MOXD1: variants seen among roughly 807,000 people sequenced by gnomAD.
The protein encoded by MOXD1 is DBH-like monooxygenase protein 1.
A neutral mutation model predicts 66.6 loss-of-function variants in MOXD1; 62 were observed. The observed-to-expected ratio is 0.93, with a 90% confidence interval of 0.76 to 1.15. The LOEUF is 1.15. Among genes scored for constraint, MOXD1 ranks in the 50% most tolerant of loss-of-function variants. The probability of loss-of-function intolerance (pLI) is 0.00; values close to 1 mark genes in which losing one functional copy is unlikely to be tolerated. For missense variants in MOXD1, 847 were observed against 754.6 expected (o/e 1.12, Z -1.44); for synonymous variants, 303 against 281.9 (o/e 1.07, Z -0.75).
intron 1 of MOXD1, among the ~76,000 whole-genome samples, chr6:132,386,383 C>T (rs1159537429): frequency 2.9e-5 from 4 of 139,656 alleles, no homozygotes; most frequent in Non-Finnish European, 6.0e-5. Flanking sequence ...GCCTGGGCGA[C>T]AGAGCGAGAC....
chr6:132,315,849 A>C lies in MOXD1; in HGVS notation c.1366-72T>G, dbSNP rs1774938357. 2.1e-6 allele frequency: 3 copies of C among 1,447,156 alleles called. No homozygotes were observed. The African/African-American group carries it at 4.3e-5, about 21-fold the overall frequency. 89.6% of individuals were successfully genotyped at this position (1,447,156 alleles called of 1,614,324 possible). ...TGACATTTAAAGCACACAAGTCATT[A>C]ATGTCATACAGTTCCTTCCAATATT... On this transcript the variant is annotated intron_variant, in intron 9 of 11. Coordinates refer to ENST00000367963, the MANE Select transcript of MOXD1 (RefSeq NM_015529.4).
At chr6:132,385,686 G>A (rs1475194962) in intron 1 of MOXD1, among the ~76,000 whole-genome samples, 1 of 151,852 alleles carries the variant, frequency 6.6e-6, no homozygotes, top group African/African-American at 2.4e-5. Context: ...GTTTCACCAT[G>A]TTGGCCAGGC....
intron 2 of MOXD1, among the ~76,000 whole-genome samples, chr6:132,374,377 A>G (rs1776330278): frequency 6.6e-6 from 1 of 152,172 alleles, no homozygotes; most frequent in Admixed American, 6.5e-5. Context: ...GCTAAATCAT[A>G]CAAATTTTAA....
At chr6:132,378,021 G>A (rs532954184) in intron 1 of MOXD1, among the ~76,000 whole-genome samples, 2 of 152,162 alleles carry the variant, frequency 1.3e-5, no homozygotes, top group South Asian at 4.1e-4. Context: ...CCAACTACAC[G>A]GGAGGCTGAG....
chr6:132,341,762 A>G (rs1396875790), intron 4 of MOXD1, among the ~76,000 whole-genome samples: 1 of 152,178 alleles, frequency 6.6e-6, no homozygotes, highest in African/African-American at 2.4e-5. Flanking sequence ...TTGCTTATTT[A>G]AATCCTATTC....
At chr6:132,363,082 T>G (rs1160719826) in intron 4 of MOXD1, among the ~76,000 whole-genome samples, 1 of 152,188 alleles carries the variant, frequency 6.6e-6, no homozygotes, top group Non-Finnish European at 1.5e-5. Context: ...TCTGGTGGGG[T>G]CTGCTCACAC....
intron 4 of MOXD1, among the ~76,000 whole-genome samples, chr6:132,341,680 C>T (rs1405736282): frequency 1.3e-5 from 2 of 152,212 alleles, no homozygotes; most frequent in African/African-American, 2.4e-5. Flanking sequence ...CCTTTATGCA[C>T]TATGTTCATT....
intron 4 of MOXD1, among the ~76,000 whole-genome samples, chr6:132,372,137 T>C (rs1219412088): frequency 6.6e-6 from 1 of 152,240 alleles, no homozygotes; most frequent in Non-Finnish European, 1.5e-5. Flanking sequence ...TCTTTATTTC[T>C]GTAGAAATTC....
intron 4 of MOXD1, among the ~76,000 whole-genome samples, chr6:132,353,599 TC>T (rs552324145): frequency 1.8e-3 from 270 of 152,324 alleles, no homozygotes; most frequent in Non-Finnish European, 3.1e-3. Context: ...TACACTTCTT[TC>T]CTTCATCTTA....
intron 1 of MOXD1, among the ~76,000 whole-genome samples, chr6:132,393,749 T>C (rs1267347611): frequency 6.6e-6 from 1 of 152,194 alleles, no homozygotes; most frequent in Non-Finnish European, 1.5e-5. Context: ...CAAGAGCCCC[T>C]GCACCTCCAT....
intron 4 of MOXD1, among the ~76,000 whole-genome samples, chr6:132,347,065 T>C (rs1775682913): frequency 1.3e-5 from 2 of 152,338 alleles, no homozygotes; most frequent in South Asian, 2.1e-4. Flanking sequence ...AGTGTTTATA[T>C]GTACCAAGGA....
rs777672685 is a variant in MOXD1, at chr6:132,315,713, A to C, written c.1430T>G (p.Leu477Arg). The C allele has an allele frequency of 6.2e-7, 1 of 1,613,504 alleles. No individual in the cohort carries two copies. The highest frequency in any genetic ancestry group is 8.5e-7 in the Non-Finnish European group (1 of 1,179,528). ...GTCTGGAATACTTGCACATCGAGTAAGATTAATTCTTGGGTAATAAAGAAG... is the reference window on the plus strand; with the variant it reads ...GTCTGGAATACTTGCACATCGAGTACGATTAATTCTTGGGTAATAAAGAAG... ...SYLLYYPRIN[L>R]TRCASIPDIM... Residue 477 changes from leucine (L) to arginine (R), a missense_variant, in exon 10 of 12, where the codon CTT (leucine) becomes CGT (arginine). Transcript: ENST00000367963.
Position 132,401,247 on chromosome 6 carries a change from C to T in MOXD1, c.180G>A (p.Val60=). Residue 60 remains valine, a synonymous_variant, in exon 1 of 12, where the codon GTG becomes GTA. Transcript: ENST00000367963. The part of the protein sequence containing the change: ...FRLQVRTAGY[V]GFGFSPTGAM... The stretch of plus-strand genomic sequence containing the variant: ...CCCCGGTGGGCGAGAAGCCGAAGCC[C>T]ACGTAGCCTGCAGTGCGCACCTGGA... 1 of 1,593,272 alleles carries T rather than the reference C, an allele frequency of 6.3e-7. No individual in the cohort carries two copies. The highest frequency in any genetic ancestry group is 2.3e-5 in the East Asian group (1 of 43,904).
chr6:132,380,809 T>C (rs1322102005), intron 1 of MOXD1, among the ~76,000 whole-genome samples: 2 of 152,198 alleles, frequency 1.3e-5, no homozygotes, highest in Non-Finnish European at 2.9e-5. Flanking sequence ...CGGATATGGA[T>C]TGTGTTTAAC....
intron 4 of MOXD1, among the ~76,000 whole-genome samples, chr6:132,330,373 T>C (rs1411124293): frequency 6.6e-6 from 1 of 152,208 alleles, no homozygotes; most frequent in African/African-American, 2.4e-5. Flanking sequence ...ACTGTGCATG[T>C]GAGAGATCTA....
chr6:132,354,642 A>T (rs1775875005), intron 4 of MOXD1, among the ~76,000 whole-genome samples: 1 of 152,182 alleles, frequency 6.6e-6, no homozygotes, highest in South Asian at 2.1e-4. Flanking sequence ...TCCTGCCAGG[A>T]GGTGGCACTT....
At chr6:132,353,382 T>A (rs1004825469) in intron 4 of MOXD1, among the ~76,000 whole-genome samples, 1 of 152,186 alleles carries the variant, frequency 6.6e-6, no homozygotes, top group Non-Finnish European at 1.5e-5. Context: ...TCAGCATTTG[T>A]TTGTCTAAAA....
intron 4 of MOXD1, among the ~76,000 whole-genome samples, chr6:132,368,665 A>G (rs1776195778): frequency 6.6e-6 from 1 of 152,040 alleles, no homozygotes; most frequent in African/African-American, 2.4e-5. Flanking sequence ...TAATTTTTAC[A>G]TGGTTAAAAT....
At chr6:132,329,628 T>C (rs576804876) in intron 4 of MOXD1, among the ~76,000 whole-genome samples, 1 of 152,090 alleles carries the variant, frequency 6.6e-6, no homozygotes, top group Non-Finnish European at 1.5e-5. Context: ...GGCTCAATCA[T>C]TTTTACTGGT....
Sources: gnomAD v4.1 joint callset for allele counts (sites outside exome capture counted in the v4.1 genomes callset) on GRCh38, gnomAD v4.1.1 for gene constraint, MANE v1.5 for transcripts, NCBI Gene and HGNC (gene_info 2026-07-23, HGNC 2026-07-21) for gene names.